GRK5: variants seen among roughly 807,000 people sequenced by gnomAD.
GRK5 encodes G protein-coupled receptor kinase 5, also known as g protein-coupled receptor kinase GRK5.
In GRK5, 40 loss-of-function variants were observed where a neutral mutation model predicts 78.4. The ratio of observed to expected loss-of-function variants is 0.51; its 90% CI spans 0.40 to 0.66. The LOEUF is 0.66. Among genes scored for constraint, GRK5 ranks in the 30% least tolerant of loss-of-function variants. The pLI is 0.00. For missense variants in GRK5, 598 were observed against 759.9 expected, an observed-to-expected ratio of 0.79 and a Z score of 2.50; for synonymous variants, 289 against 296.8, an observed-to-expected ratio of 0.97 and a Z score of 0.27.
intron 2 of GRK5, among the ~76,000 whole-genome samples, chr10:119,374,898 C>T (rs1851600125): frequency 6.6e-6 from 1 of 152,148 alleles, no homozygotes; most frequent in African/African-American, 2.4e-5. Flanking sequence ...TGTAAGCTTC[C>T]TGAGGCCTCC....
In GRK5 at chr10:119,319,189, G is replaced by T. The variant is rs4531379; in HGVS notation, c.53-7327G>T. ...TCTGGCAGGAGGGCACCTGCTGGAG[G>T]ACATCGCTGGCAGCTGGCAGCCGAG... is the stretch of plus-strand genomic sequence containing the variant. On this transcript the variant is annotated intron_variant, in intron 1 of 15. Transcript: ENST00000392870. Among the ~76,000 whole-genome samples the T allele has an allele frequency of 1.3e-5, 2 of 152,056 alleles. 1 individual carries two copies. Among genetic ancestry groups the T allele is most frequent in the South Asian group, 4.1e-4 (2 of 4,828 alleles).
chr10:119,335,355 C>T (rs1200605728), intron 2 of GRK5, among the ~76,000 whole-genome samples: 6 of 152,030 alleles, frequency 3.9e-5, no homozygotes, highest in South Asian at 2.1e-4. Flanking sequence ...CTCTGCCCAA[C>T]TGCCATGTTC....
At chr10:119,408,250 G>A (rs1258391458) in intron 4 of GRK5, among the ~76,000 whole-genome samples, 2 of 141,066 alleles carry the variant, frequency 1.4e-5, no homozygotes, top group Non-Finnish European at 3.0e-5. Context: ...TGAGGTGGGA[G>A]AATCACCTGA....
chr10:119,252,486 C>T (rs187850752), intron 1 of GRK5, among the ~76,000 whole-genome samples: 41 of 152,184 alleles, frequency 2.7e-4, no homozygotes, highest in African/African-American at 6.7e-4. Flanking sequence ...CAGAGGGCTA[C>T]GCTGGAGAGG....
chr10:119,411,375 G>C (rs146527274), intron 4 of GRK5, among the ~76,000 whole-genome samples: 5 of 152,290 alleles, frequency 3.3e-5, no homozygotes, highest in Non-Finnish European at 7.4e-5. Flanking sequence ...AGAGAGCCCA[G>C]AGACCCCTTA....
intron 12 of GRK5, among the ~76,000 whole-genome samples, chr10:119,446,564 A>G (rs1291389213): frequency 6.6e-6 from 1 of 151,536 alleles, no homozygotes; most frequent in Non-Finnish European, 1.5e-5. Flanking sequence ...ACTGCTTAGA[A>G]CAGTGCAGCA....
intron 2 of GRK5, among the ~76,000 whole-genome samples, chr10:119,354,985 T>A (rs1049484872): frequency 6.6e-6 from 1 of 152,180 alleles, no homozygotes; most frequent in Non-Finnish European, 1.5e-5. Context: ...CTCGAGTCCC[T>A]GATATAAAAT....
intron 1 of GRK5, among the ~76,000 whole-genome samples, chr10:119,231,923 G>T (rs1444383398): frequency 6.6e-6 from 1 of 152,102 alleles, no homozygotes; most frequent in African/African-American, 2.4e-5. Context: ...CAGTATGGAG[G>T]TTCCTCCAAA....
intron 1 of GRK5, among the ~76,000 whole-genome samples, chr10:119,219,717 C>T (rs919254682): frequency 6.6e-6 from 1 of 152,152 alleles, no homozygotes; most frequent in African/African-American, 2.4e-5. Flanking sequence ...TCCCCCTCCC[C>T]CCTAATTTGG....
At chr10:119,230,212 A>T (rs985625749) in intron 1 of GRK5, among the ~76,000 whole-genome samples, 2 of 152,164 alleles carry the variant, frequency 1.3e-5, no homozygotes, top group African/African-American at 4.8e-5. Context: ...CCGGCCAGGT[A>T]CGGTAGCTCA....
At chr10:119,329,429 A>C (rs1421404656) in intron 2 of GRK5, among the ~76,000 whole-genome samples, 1 of 152,214 alleles carries the variant, frequency 6.6e-6, no homozygotes, top group Non-Finnish European at 1.5e-5. Flanking sequence ...ACGACACAGC[A>C]GTGAGCTTCC....
chr10:119,302,335 G>C (rs1412598136), intron 1 of GRK5, among the ~76,000 whole-genome samples: 1 of 152,242 alleles, frequency 6.6e-6, no homozygotes, highest in Non-Finnish European at 1.5e-5. Flanking sequence ...GTTACATCCT[G>C]CTTCCTGGGT....
chr10:119,233,133 C>T (rs983497888), intron 1 of GRK5, among the ~76,000 whole-genome samples: 7 of 152,194 alleles, frequency 4.6e-5, no homozygotes, highest in Non-Finnish European at 1.0e-4. Context: ...AGGCAAGCAC[C>T]TGGCAGTAGC....
chr10:119,384,010 G>A (rs567659183), intron 3 of GRK5, among the ~76,000 whole-genome samples: 6 of 152,326 alleles, frequency 3.9e-5, no homozygotes, highest in African/African-American at 1.4e-4. Context: ...TTCCGAGGCT[G>A]ACTTACCAGA....
chr10:119,365,904 A>G (rs1004336115), intron 2 of GRK5, among the ~76,000 whole-genome samples: 5 of 152,250 alleles, frequency 3.3e-5, no homozygotes, highest in Admixed American at 1.3e-4. Flanking sequence ...GTTATGATGC[A>G]GCCATCAGCT....
intron 2 of GRK5, among the ~76,000 whole-genome samples, chr10:119,367,232 A>G (rs1851464332): frequency 6.6e-6 from 1 of 152,234 alleles, no homozygotes; most frequent in South Asian, 2.1e-4. Flanking sequence ...ACGAGCTAGA[A>G]TTCTGCTAAG....
chr10:119,231,248 A>G (rs1000716379), intron 1 of GRK5, among the ~76,000 whole-genome samples: 2 of 152,222 alleles, frequency 1.3e-5, no homozygotes, highest in Non-Finnish European at 2.9e-5. Flanking sequence ...CTATTAAAAA[A>G]TGGGCAGATG....
chr10:119,281,094 C>A (rs577692147), intron 1 of GRK5, among the ~76,000 whole-genome samples: 4 of 151,726 alleles, frequency 2.6e-5, no homozygotes, highest in Non-Finnish European at 4.4e-5. Flanking sequence ...CCGTTTTCTG[C>A]AGGGTAAAGC....
Position 119,237,017 on chromosome 10 carries a change from A to G in GRK5, c.52+29048A>G, listed in dbSNP as rs114941975. On this transcript the variant is annotated intron_variant, in intron 1 of 15. Transcript: ENST00000392870. ...CTTTACTCATTTATATCACCTGACC[A>G]GCCTCTGGTTTCAGGGCCTGTCTTC... is the stretch of plus-strand genomic sequence containing the variant. Among the ~76,000 whole-genome samples the G allele has an allele frequency of 9.3e-3, 1,386 of 148,846 alleles. 19 individuals carry two copies. The highest frequency in any genetic ancestry group is 0.032 in the African/African-American group (1,307 of 40,364).
Sources: allele counts gnomAD v4.1 joint callset (sites outside exome capture counted in the v4.1 genomes callset), GRCh38; gene constraint gnomAD v4.1.1; transcripts MANE v1.5; gene names NCBI Gene and HGNC (gene_info 2026-07-23, HGNC 2026-07-21).